The following NVL variants were observed in gnomAD, a reference collection of about 807,000 sequenced individuals.
NVL encodes nuclear VCP like.
In NVL, 84 loss-of-function variants were observed where a neutral mutation model predicts 110.2. The ratio of observed to expected loss-of-function variants is 0.76; its 90% confidence interval spans 0.64 to 0.91. NVL has a LOEUF of 0.91. Among genes scored for constraint, NVL ranks in the 40% least tolerant of loss-of-function variants. The pLI is 0.00. For missense variants in NVL, 882 were observed against 1,035.9 expected (o/e 0.85, Z 2.04); for synonymous variants, 354 against 361.1 (o/e 0.98, Z 0.22).
At chr1:224,243,663 C>CTTTT (rs34312268) in intron 19 of NVL, among the ~76,000 whole-genome samples, 10 of 136,724 alleles carry the variant, frequency 7.3e-5, no homozygotes, top group Admixed American at 1.5e-4. Flanking sequence ...TTAAGTCATA[C>CTTTT]TTTTTTTTTT....
At chr1:224,278,406 T>C (rs549970750) in intron 16 of NVL, among the ~76,000 whole-genome samples, 1 of 152,080 alleles carries the variant, frequency 6.6e-6, no homozygotes, top group South Asian at 2.1e-4. Flanking sequence ...CTAATTTTTT[T>C]GTATTTTTAC....
At chr1:224,277,210 CAA>C (rs1310462045) in intron 16 of NVL, among the ~76,000 whole-genome samples, 1 of 152,046 alleles carries the variant, frequency 6.6e-6, no homozygotes, top group East Asian at 1.9e-4. Flanking sequence ...TATTATATTA[CAA>C]AGTCCTTGGA....
At chr1:224,282,579 G>A (rs190371063) in intron 15 of NVL, among the ~76,000 whole-genome samples, 1 of 152,324 alleles carries the variant, frequency 6.6e-6, no homozygotes, top group East Asian at 1.9e-4. Context: ...CAATCTGAAT[G>A]CAGAGGTGAA....
chr1:224,256,423 T>TAAA (rs34959473), intron 18 of NVL, among the ~76,000 whole-genome samples: 1,490 of 75,510 alleles, frequency 0.02, 44 homozygotes, highest in African/African-American at 0.036. Flanking sequence ...AGGCTCCATC[T>TAAA]AAAAAAAAAA....
intron 19 of NVL, among the ~76,000 whole-genome samples, chr1:224,248,910 T>C (rs1662152823): frequency 6.6e-6 from 1 of 152,122 alleles, no homozygotes. Flanking sequence ...CTGGGTACAA[T>C]CCCATGGGAG....
At chr1:224,244,329 T>C (rs1661556977) in intron 19 of NVL, among the ~76,000 whole-genome samples, 1 of 151,510 alleles carries the variant, frequency 6.6e-6, no homozygotes, top group East Asian at 2.0e-4. Context: ...ATCGCACCAT[T>C]GTACTCCAGC....
chr1:224,324,500 C>G (rs543611947), intron 2 of NVL, among the ~76,000 whole-genome samples: 1 of 152,304 alleles, frequency 6.6e-6, no homozygotes, highest in South Asian at 2.1e-4. Flanking sequence ...GCAATCATAG[C>G]TCACTGCAAC....
intron 17 of NVL, among the ~76,000 whole-genome samples, chr1:224,270,641 G>T (rs975380756): frequency 6.6e-6 from 1 of 151,932 alleles, no homozygotes; most frequent in Non-Finnish European, 1.5e-5. Context: ...GGGAAAAATA[G>T]TGTCAACACA....
At chr1:224,313,650 G>A (rs1019089509) in intron 4 of NVL, among the ~76,000 whole-genome samples, 3 of 152,056 alleles carry the variant, frequency 2.0e-5, no homozygotes, top group Admixed American at 6.6e-5. Context: ...CAAGCAATTC[G>A]CAAAACAAAT....
In NVL at chr1:224,237,953, C is replaced by A. The variant is rs1404072500; in HGVS notation, c.2290-1371G>T. On this transcript the variant is annotated intron_variant, in intron 19 of 22. Coordinates refer to ENST00000281701, the MANE Select transcript of NVL (RefSeq NM_002533.4). The stretch of plus-strand genomic sequence containing the variant: ...TGGGTGACAGTTGGAGAGTTGGAGA[C>A]TTGGTTTCAAAAAAAAAAAAAAAAA... Among the ~76,000 whole-genome samples the A allele has an allele frequency of 1.8e-4, 24 of 133,868 alleles. No individual in the cohort carries two copies. In the South Asian group the frequency reaches 5.2e-3, roughly 29 times the overall value. 87.8% of individuals were successfully genotyped at this position (133,868 alleles called of 152,430 possible). A position where few individuals can be genotyped will look rare whatever the true frequency, so the allele number is the denominator to read the frequency against.
chr1:224,298,405 G>T, intron 10 of NVL: 1 of 169,228 alleles, frequency 5.9e-6, no homozygotes, highest in Non-Finnish European at 1.3e-5. Flanking sequence ...ATGTGTGCGA[G>T]AATCAACGTG....
At chr1:224,308,327 T>C in intron 5 of NVL, 64 bp from the exon 6 acceptor site, 2 of 1,403,762 alleles carry the variant, frequency 1.4e-6, no homozygotes, top group Non-Finnish European at 1.9e-6. Context: ...AAAAGTTGTA[T>C]TGCCTATAGT....
chr1:224,294,783 G>A (rs1457066342), intron 11 of NVL, among the ~76,000 whole-genome samples: 1 of 152,160 alleles, frequency 6.6e-6, no homozygotes, highest in Non-Finnish European at 1.5e-5. Context: ...TTTCAGAAAA[G>A]GCTTGAAGGG....
intron 18 of NVL, among the ~76,000 whole-genome samples, chr1:224,255,766 C>G (rs1042040369): frequency 2.6e-5 from 4 of 152,124 alleles, no homozygotes; most frequent in African/African-American, 9.7e-5. Flanking sequence ...ATGGTTTACG[C>G]TTTTAATATC....
At position 224,227,586 on chromosome 1, in the gene NVL, G is replaced by A; in HGVS notation, c.*40C>T. ...AGAGCGTGTGGGGGATTCTCTGCCG[G>A]CTTGATGGGCTAGCTCCTCTAAGCC... is the stretch of plus-strand genomic sequence containing the variant. On this transcript the variant is annotated 3_prime_UTR_variant, in exon 23 of 23. Coordinates refer to ENST00000281701, the MANE Select transcript of NVL (RefSeq NM_002533.4). The A allele has an allele frequency of 1.3e-6, 2 of 1,590,416 alleles. No individual in the cohort carries two copies. Among genetic ancestry groups the A allele is most frequent in the Non-Finnish European group, 1.7e-6 (2 of 1,162,616 alleles).
chr1:224,329,943 C>G (rs868333827), intron 1 of NVL, 128 bp downstream of exon 1: 1 of 899,320 alleles, frequency 1.1e-6, no homozygotes, highest in Middle Eastern at 2.8e-4. Flanking sequence ...AACAGACGCA[C>G]GCCCAGACCC....
At chr1:224,261,583 C>T (rs1663989421) in intron 18 of NVL, among the ~76,000 whole-genome samples, 1 of 152,136 alleles carries the variant, frequency 6.6e-6, no homozygotes, top group Non-Finnish European at 1.5e-5. Context: ...CAAAGAACTG[C>T]ATTTCCTCTG....
In NVL at chr1:224,308,122, A is replaced by G; in HGVS notation, c.484T>C (p.Leu162=). ...TCAGAATCTTTGGCAGGGGTCTTCA[A>G]GGGAATGGAGCCTGTTTTGGAACTT... ...RISSKTGSIP[L]KTPAKDSEGG... Residue 162 remains leucine, a synonymous_variant, in exon 6 of 23, where the codon TTG becomes CTG. Coordinates refer to ENST00000281701, the MANE Select transcript of NVL (RefSeq NM_002533.4). 6.2e-7 allele frequency: 1 copy of G among 1,614,054 alleles called. No homozygotes were observed. The highest frequency in any genetic ancestry group is 8.5e-7 in the Non-Finnish European group (1 of 1,179,980).
chr1:224,252,419 G>A (rs1029028630), intron 18 of NVL, among the ~76,000 whole-genome samples: 5 of 151,966 alleles, frequency 3.3e-5, no homozygotes, highest in African/African-American at 9.7e-5. Context: ...TAATATGAGG[G>A]TTCTTATAGC....
Sources: gnomAD v4.1 joint callset for allele counts (sites outside exome capture counted in the v4.1 genomes callset) on GRCh38, gnomAD v4.1.1 for gene constraint, MANE v1.5 for transcripts, NCBI Gene and HGNC (gene_info 2026-07-23, HGNC 2026-07-21) for gene names.